GABRG3: variants seen among roughly 807,000 people sequenced by gnomAD.
GABRG3 encodes the protein gamma-aminobutyric acid type A receptor subunit gamma3, also known as gamma-aminobutyric acid receptor subunit gamma-3.
Under a neutral mutation model 48.8 loss-of-function variants are expected in GABRG3, and 25 were observed. The ratio of observed to expected loss-of-function variants is 0.51; its 90% CI spans 0.37 to 0.72. The LOEUF (loss-of-function observed/expected upper bound fraction) is 0.72, where lower values mean the gene tolerates loss of function less well. Ranked by LOEUF, GABRG3 falls within the 30% of genes least tolerant of loss-of-function variation. The probability of loss-of-function intolerance (pLI) is 0.00; values close to 1 mark genes in which losing one functional copy is unlikely to be tolerated. For synonymous variants in GABRG3, 227 were observed against 217.6 expected, an observed-to-expected ratio of 1.04 and a Z score of -0.38; for missense variants, 394 against 577.9, an observed-to-expected ratio of 0.68 and a Z score of 3.26.
chr15:27,490,347 G>A (rs1411778081), intron 6 of GABRG3, among the ~76,000 whole-genome samples: 1 of 152,164 alleles, frequency 6.6e-6, no homozygotes, highest in Admixed American at 6.5e-5. Flanking sequence ...GGATGCTGTG[G>A]ACCTATTTGG....
chr15:27,000,027 T>C (rs1012394751), intron 2 of GABRG3, among the ~76,000 whole-genome samples: 1 of 152,314 alleles, frequency 6.6e-6, no homozygotes, highest in African/African-American at 2.4e-5. Flanking sequence ...TTTCAACATA[T>C]GGAATACAGT....
At chr15:27,140,308 A>G (rs1455900000) in intron 3 of GABRG3, among the ~76,000 whole-genome samples, 1 of 152,072 alleles carries the variant, frequency 6.6e-6, no homozygotes, top group East Asian at 1.9e-4. Context: ...ACAGTGTCAT[A>G]ATTGAATTAG....
intron 5 of GABRG3, among the ~76,000 whole-genome samples, chr15:27,409,914 C>A (rs1887746525): frequency 6.6e-6 from 1 of 151,990 alleles, no homozygotes; most frequent in South Asian, 2.1e-4. Flanking sequence ...ATCCATATGA[C>A]TTTGATTTCC....
At chr15:27,061,338 C>T (rs984598461) in intron 3 of GABRG3, among the ~76,000 whole-genome samples, 1 of 152,160 alleles carries the variant, frequency 6.6e-6, no homozygotes, top group African/African-American at 2.4e-5. Flanking sequence ...ACTGCCTGCT[C>T]TCACACTGTA....
At chr15:27,252,992 C>G (rs1314988802) in intron 3 of GABRG3, among the ~76,000 whole-genome samples, 3 of 152,234 alleles carry the variant, frequency 2.0e-5, no homozygotes, top group African/African-American at 7.2e-5. Context: ...CCGACACCAG[C>G]CCAGGTCTCA....
intron 6 of GABRG3, among the ~76,000 whole-genome samples, chr15:27,501,689 C>T (rs1486243531): frequency 6.6e-6 from 1 of 152,118 alleles, no homozygotes; most frequent in Non-Finnish European, 1.5e-5. Flanking sequence ...GCTTATGAAA[C>T]ATCTTAGCCT....
intron 3 of GABRG3, among the ~76,000 whole-genome samples, chr15:27,081,354 G>A (rs1156830222): frequency 3.3e-5 from 5 of 151,856 alleles, no homozygotes; most frequent in Non-Finnish European, 5.9e-5. Flanking sequence ...GGAAACTGAT[G>A]AATTATAATA....
At chr15:27,057,940 A>G (rs1056339857) in intron 3 of GABRG3, among the ~76,000 whole-genome samples, 1 of 152,170 alleles carries the variant, frequency 6.6e-6, no homozygotes, top group Non-Finnish European at 1.5e-5. Context: ...GGCCTCTGCA[A>G]CCGGGCTTCT....
chr15:27,416,983 G>A (rs2140605950), intron 5 of GABRG3, among the ~76,000 whole-genome samples: 1 of 152,258 alleles, frequency 6.6e-6, no homozygotes, highest in Middle Eastern at 3.4e-3. Context: ...TTCAATGAAG[G>A]GTGGCTGTTT....
intron 3 of GABRG3, among the ~76,000 whole-genome samples, chr15:27,237,932 C>T (rs1361556343): frequency 6.6e-6 from 1 of 152,156 alleles, no homozygotes; most frequent in Non-Finnish European, 1.5e-5. Context: ...ACCTGTTATG[C>T]TTAGACTCTG....
At chr15:27,343,100 G>C (rs971860771) in intron 5 of GABRG3, among the ~76,000 whole-genome samples, 1 of 152,216 alleles carries the variant, frequency 6.6e-6, no homozygotes, top group African/African-American at 2.4e-5. Flanking sequence ...CCTGCCCTTC[G>C]CGGTGGCTCA....
At chr15:27,231,096 A>T (rs1454672) in intron 3 of GABRG3, among the ~76,000 whole-genome samples, 27,765 of 151,820 alleles carry the variant, frequency 0.18, 3,556 homozygotes, top group East Asian at 0.41. Context: ...GAAAAATTTT[A>T]AAAACACTTA....
rs1014006392 is a variant in GABRG3, at chr15:27,302,454, A to G, written c.271-24355A>G. Among the ~76,000 whole-genome samples the G allele has an allele frequency of 3.9e-5, 6 of 152,108 alleles. 1 individual carries two copies. The South Asian group carries it at 1.0e-3, about 26-fold the overall frequency. On this transcript the variant is annotated intron_variant, in intron 3 of 9. Coordinates refer to ENST00000615808, the MANE Select transcript of GABRG3 (RefSeq NM_033223.5). ...CCAAGAAGATACGAGTTCTAAATACATATGCATCAAACAACAGAGATGCAA... is the reference window on the plus strand; with the variant it reads ...CCAAGAAGATACGAGTTCTAAATACGTATGCATCAAACAACAGAGATGCAA...
intron 5 of GABRG3, among the ~76,000 whole-genome samples, chr15:27,339,474 C>T (rs923455423): frequency 1.1e-4 from 17 of 152,232 alleles, no homozygotes; most frequent in Admixed American, 4.6e-4. Flanking sequence ...TTCATATGCT[C>T]CACCCCTTGC....
At chr15:27,454,818 A>C (rs1046522516) in intron 5 of GABRG3, among the ~76,000 whole-genome samples, 3 of 152,172 alleles carry the variant, frequency 2.0e-5, no homozygotes, top group Non-Finnish European at 4.4e-5. Flanking sequence ...GTCAACACAT[A>C]CGTACGTTGA....
chr15:27,302,878 G>A (rs994102557), intron 3 of GABRG3, among the ~76,000 whole-genome samples: 27 of 151,922 alleles, frequency 1.8e-4, no homozygotes, highest in African/African-American at 6.3e-4. Context: ...TAAATATGCC[G>A]TGGACCAAAG....
chr15:27,385,524 C>T (rs1895896438), intron 5 of GABRG3, among the ~76,000 whole-genome samples: 2 of 152,194 alleles, frequency 1.3e-5, no homozygotes, highest in Non-Finnish European at 2.9e-5. Context: ...CACTAACTGA[C>T]GTCCCACAGG....
rs932732020 is a variant in GABRG3 at position 27,352,336 on chromosome 15, C to T, written c.574+23448C>T. Among the ~76,000 whole-genome samples, 1 of 151,972 alleles carries T rather than the reference C, an allele frequency of 6.6e-6. No homozygotes were observed. Among genetic ancestry groups the T allele is most frequent in the Non-Finnish European group, 1.5e-5 (1 of 67,994 alleles). On this transcript the variant is annotated intron_variant, in intron 5 of 9. Coordinates refer to ENST00000615808, the MANE Select transcript of GABRG3 (RefSeq NM_033223.5). The surrounding 1 kb of genome is among the most constrained non-coding windows in gnomAD (Gnocchi z 4.0). ...ACCCAGGGAGAGCACGATTATCCCC[C>T]GCACACTTCAAGGGGTGATGGGGTG...
At chr15:27,117,335 C>T (rs768960035) in intron 3 of GABRG3, among the ~76,000 whole-genome samples, 3 of 152,140 alleles carry the variant, frequency 2.0e-5, no homozygotes, top group Admixed American at 6.5e-5. Flanking sequence ...GAAGTCTTCT[C>T]CTCTGGAGCC....
Sources: allele counts gnomAD v4.1 joint callset (sites outside exome capture counted in the v4.1 genomes callset), GRCh38; gene constraint gnomAD v4.1.1; non-coding constraint Gnocchi (gnomAD v3.1); transcripts MANE v1.5; gene names NCBI Gene and HGNC (gene_info 2026-07-23, HGNC 2026-07-21).